RIC8B: variants seen among roughly 807,000 people sequenced by gnomAD.
The protein encoded by RIC8B is RIC8 guanine nucleotide exchange factor B.
RIC8B carries 16 observed loss-of-function variants against 57.5 expected under a neutral mutation model. The observed-to-expected ratio is 0.28, with a 90% CI of 0.19 to 0.42. The LOEUF is 0.42. Ranked by LOEUF, RIC8B falls within the 10% of genes least tolerant of loss-of-function variation. The probability of loss-of-function intolerance (pLI) is 1.00; values close to 1 mark genes in which losing one functional copy is unlikely to be tolerated. For missense variants in RIC8B, 481 were observed against 677.0 expected (o/e 0.71, Z 3.21); for synonymous variants, 216 against 250.8 (o/e 0.86, Z 1.31).
intron 2 of RIC8B, among the ~76,000 whole-genome samples, chr12:106,793,495 A>T (rs1593110155): frequency 1.3e-5 from 2 of 152,338 alleles, no homozygotes; most frequent in Middle Eastern, 3.4e-3. Flanking sequence ...CTTTGCTAGG[A>T]GGAATGGGAT....
intron 2 of RIC8B, among the ~76,000 whole-genome samples, chr12:106,787,019 G>C (rs955706868): frequency 3.9e-5 from 6 of 152,152 alleles, no homozygotes; most frequent in African/African-American, 1.2e-4. Flanking sequence ...TAAATTTCAG[G>C]TGAAAGGGAG....
intron 2 of RIC8B, among the ~76,000 whole-genome samples, chr12:106,796,685 A>G (rs965859535): frequency 6.6e-6 from 1 of 152,238 alleles, no homozygotes; most frequent in African/African-American, 2.4e-5. Context: ...GAAAAAAATA[A>G]CATGAATTGG....
rs2046060031 is a variant in RIC8B, at chr12:106,825,603, G to A, written c.742-123G>A. The A allele has an allele frequency of 7.7e-6, 5 of 647,188 alleles. No homozygotes were observed. The Admixed American group carries it at 1.1e-4, about 15-fold the overall frequency. 40.1% of individuals were successfully genotyped at this position (647,188 alleles called of 1,614,324 possible). A position where few individuals can be genotyped will look rare whatever the true frequency, so the allele number is the denominator to read the frequency against. On this transcript the variant is annotated intron_variant, in intron 3 of 9. Coordinates refer to ENST00000392837, the MANE Select transcript of RIC8B (RefSeq NM_001330145.2). ...TCAGGAATTCTTCCTAGGATATTCT[G>A]CCATCTAAAATGTATGGTATAAGAA...
chr12:106,793,955 C>T (rs2044366494), intron 2 of RIC8B, among the ~76,000 whole-genome samples: 1 of 151,664 alleles, frequency 6.6e-6, no homozygotes. Flanking sequence ...GAAGCAGGCA[C>T]CAAAAACTGC....
At chr12:106,875,874 A>C (rs890154274) in intron 9 of RIC8B, among the ~76,000 whole-genome samples, 1 of 152,144 alleles carries the variant, frequency 6.6e-6, no homozygotes, top group African/African-American at 2.4e-5. Context: ...AGTTCCCTTT[A>C]ATCAAAAGAT....
At chr12:106,778,866 T>G (rs942258788) in intron 1 of RIC8B, among the ~76,000 whole-genome samples, 2 of 152,230 alleles carry the variant, frequency 1.3e-5, no homozygotes, top group African/African-American at 4.8e-5. Flanking sequence ...CTTCTAATGC[T>G]TTAGTCCCTG....
At chr12:106,820,563 A>G (rs2045793797) in intron 3 of RIC8B, among the ~76,000 whole-genome samples, 1 of 152,234 alleles carries the variant, frequency 6.6e-6, no homozygotes, top group Non-Finnish European at 1.5e-5. Flanking sequence ...CCCTAGAATG[A>G]AGACCACATT....
chr12:106,812,185 G>T (rs2045364072), intron 2 of RIC8B, among the ~76,000 whole-genome samples: 1 of 152,160 alleles, frequency 6.6e-6, no homozygotes, highest in South Asian at 2.1e-4. Context: ...GAAATGGTAT[G>T]TTCAAGAACA....
At chr12:106,787,225 G>A (rs183714017) in intron 2 of RIC8B, among the ~76,000 whole-genome samples, 2 of 152,206 alleles carry the variant, frequency 1.3e-5, no homozygotes, top group Admixed American at 1.3e-4. Context: ...ATGTCATTAG[G>A]GACCTAGCCA....
intron 8 of RIC8B, among the ~76,000 whole-genome samples, chr12:106,865,417 C>T (rs1950099793): frequency 6.6e-6 from 1 of 152,134 alleles, no homozygotes; most frequent in Non-Finnish European, 1.5e-5. Context: ...CTTCCCTGTT[C>T]TCAGAGCATC....
chr12:106,840,072 A>G (rs1054529495), intron 4 of RIC8B, among the ~76,000 whole-genome samples: 2 of 152,180 alleles, frequency 1.3e-5, no homozygotes, highest in African/African-American at 4.8e-5. Flanking sequence ...AGATTTTAAG[A>G]TTCGTTTACA....
intron 2 of RIC8B, among the ~76,000 whole-genome samples, chr12:106,791,892 A>AGGAAT (rs1469298486): frequency 1.1e-4 from 16 of 152,236 alleles, no homozygotes; most frequent in African/African-American, 3.6e-4. Flanking sequence ...GAATAGCTTG[A>AGGAAT]GGAATGGATG....
intron 1 of RIC8B, among the ~76,000 whole-genome samples, chr12:106,777,172 T>C (rs2043534127): frequency 6.6e-6 from 1 of 152,212 alleles, no homozygotes; most frequent in South Asian, 2.1e-4. Flanking sequence ...GAGAAAGCTC[T>C]CATATTTAAT....
At chr12:106,857,719 G>A (rs879331957) in intron 7 of RIC8B, among the ~76,000 whole-genome samples, 7 of 151,994 alleles carry the variant, frequency 4.6e-5, no homozygotes, top group East Asian at 3.9e-4. Context: ...TCAGTTTTCC[G>A]TTTACTACTT....
At position 106,825,247 on chromosome 12, in the gene RIC8B, T is replaced by C. The variant is rs1593220382; in HGVS notation, c.742-479T>C. Reference sequence around the variant, plus strand: ...TTGGAGATCACTTGTATTTCATTACTTGCTGGTAGTTCTGGGGGAATTAGG... The same window carrying C: ...TTGGAGATCACTTGTATTTCATTACCTGCTGGTAGTTCTGGGGGAATTAGG... On this transcript the variant is annotated intron_variant, in intron 3 of 9. Coordinates refer to ENST00000392837, the MANE Select transcript of RIC8B (RefSeq NM_001330145.2). Among the ~76,000 whole-genome samples, 7 of 152,350 alleles carry C rather than the reference T, an allele frequency of 4.6e-5. No homozygotes were observed. The South Asian group carries it at 1.2e-3, about 27-fold the overall frequency.
intron 4 of RIC8B, among the ~76,000 whole-genome samples, chr12:106,842,198 C>T (rs1948981902): frequency 6.6e-6 from 1 of 152,088 alleles, no homozygotes; most frequent in Non-Finnish European, 1.5e-5. Flanking sequence ...ATGTTGTAAT[C>T]TAAGGAATAA....
chr12:106,864,366 C>T (rs974217264), intron 8 of RIC8B, among the ~76,000 whole-genome samples: 1 of 152,062 alleles, frequency 6.6e-6, no homozygotes, highest in Non-Finnish European at 1.5e-5. Context: ...CCTATTTCTC[C>T]ACAAGTGGCT....
chr12:106,804,974 C>T (rs1030974205), intron 2 of RIC8B, among the ~76,000 whole-genome samples: 10 of 152,220 alleles, frequency 6.6e-5, no homozygotes, highest in Middle Eastern at 3.4e-3. Context: ...TGAGAAAAGG[C>T]ACAGAAGTTT....
chr12:106,775,874 G>A (rs2043452087), intron 1 of RIC8B, among the ~76,000 whole-genome samples: 1 of 152,050 alleles, frequency 6.6e-6, no homozygotes. Context: ...TCTTTCTTTT[G>A]CCCCCGTACA....
Sources: allele counts gnomAD v4.1 joint callset (sites outside exome capture counted in the v4.1 genomes callset), GRCh38; gene constraint gnomAD v4.1.1; transcripts MANE v1.5; gene names NCBI Gene and HGNC (gene_info 2026-07-23, HGNC 2026-07-21).